Variants in ENTREP3 observed in about 807,000 individuals in gnomAD.
ENTREP3 encodes protein ENTREP3.
At chr1:155,255,057 G>A in the ENTREP3 span, 2 of 606,732 alleles carry the variant, frequency 3.3e-6, no homozygotes, top group Non-Finnish European at 5.8e-6. This position sits in a 1 kb window ranked among gnomAD's most constrained non-coding sequence, Gnocchi z 5.6. Context: ...CAAGCGAGGG[G>A]CGTCACGGAG....
At chr1:155,249,205 A>G in the ENTREP3 span, among the ~76,000 whole-genome samples, 1 of 151,874 alleles carries the variant, frequency 6.6e-6, no homozygotes, top group African/African-American at 2.4e-5. Context: ...CTCCTGCCTT[A>G]GCCTCTCTGT....
chr1:155,250,460 C>T, the ENTREP3 span: 3 of 1,475,816 alleles, frequency 2.0e-6, no homozygotes, highest in Non-Finnish European at 2.7e-6. This position sits in a 1 kb window ranked among gnomAD's most constrained non-coding sequence, Gnocchi z 5.4. Flanking sequence ...CCCGGGGGAC[C>T]CGCCGCCTCA....
At chr1:155,252,720 ATATTTTTTT>A in the ENTREP3 span, 5 of 29,502 alleles carry the variant, frequency 1.7e-4, no homozygotes, top group East Asian at 1.4e-3. Context: ...ATATATATAT[ATATTTTTTT>A]TTTTTTTTTT....
the ENTREP3 span, chr1:155,247,345 G>A: frequency 6.3e-6 from 3 of 473,460 alleles, no homozygotes; most frequent in Middle Eastern, 5.5e-4. Flanking sequence ...TGCAGCTAGA[G>A]GTGGCAGAGC....
At chr1:155,250,346 C>T in the ENTREP3 span, 5 of 1,415,834 alleles carry the variant, frequency 3.5e-6, no homozygotes, top group East Asian at 1.4e-4. The surrounding 1 kb of genome is among the most constrained non-coding windows in gnomAD (Gnocchi z 5.4). Context: ...GTGGGGATGC[C>T]GGATGAGGAG....
chr1:155,250,292 C>T, the ENTREP3 span: 11 of 1,547,298 alleles, frequency 7.1e-6, no homozygotes, highest in East Asian at 2.5e-5. This position sits in a 1 kb window ranked among gnomAD's most constrained non-coding sequence, Gnocchi z 5.4. Context: ...CACTGGAGGT[C>T]GTGATGCCTG....
At chr1:155,251,933 G>A in the ENTREP3 span, 1 of 1,412,160 alleles carries the variant, frequency 7.1e-7, no homozygotes, top group Non-Finnish European at 9.2e-7. Context: ...AGGTCAGCAA[G>A]TCTGGATTCT....
At chr1:155,248,262 G>A in the ENTREP3 span, 2 of 1,601,674 alleles carry the variant, frequency 1.2e-6, no homozygotes, top group African/African-American at 1.3e-5. Context: ...TTGGGGGAAG[G>A]GCAGCGGGCT....
chr1:155,252,714 A>T, the ENTREP3 span: 5 of 49,222 alleles, frequency 1.0e-4, no homozygotes, highest in African/African-American at 4.7e-4. Context: ...ATATATATAT[A>T]TATATATATT....
the ENTREP3 span, chr1:155,254,407 G>A: frequency 1.1e-3 from 1,823 of 1,614,164 alleles, 31 homozygotes; most frequent in South Asian, 0.019. This position sits in a 1 kb window ranked among gnomAD's most constrained non-coding sequence, Gnocchi z 4.4. Flanking sequence ...TACCACTAGA[G>A]TGAATGGCCG....
the ENTREP3 span, chr1:155,250,197 A>G: frequency 1.7e-5 from 23 of 1,319,808 alleles, no homozygotes; most frequent in Middle Eastern, 2.7e-4. This position sits in a 1 kb window ranked among gnomAD's most constrained non-coding sequence, Gnocchi z 5.4. Flanking sequence ...CTGTGCCCCA[A>G]TCCTGGTGGG....
At chr1:155,251,879 G>A in the ENTREP3 span, 2 of 1,468,978 alleles carry the variant, frequency 1.4e-6, no homozygotes, top group Middle Eastern at 1.8e-4. Context: ...GTCCCAGTGG[G>A]CCTGAGACTG....
chr1:155,247,967 C>A, the ENTREP3 span: 2 of 1,606,708 alleles, frequency 1.2e-6, no homozygotes, highest in Non-Finnish European at 1.7e-6. Flanking sequence ...TGGACAGGGA[C>A]ACAAGAAAGG....
At chr1:155,247,571 T>C in the ENTREP3 span, 1 of 716,992 alleles carries the variant, frequency 1.4e-6, no homozygotes, top group Admixed American at 2.0e-5. Flanking sequence ...ACAGTCTAAA[T>C]ACCCATGCAG....
chr1:155,251,210 C>G, the ENTREP3 span: 1 of 1,435,790 alleles, frequency 7.0e-7, no homozygotes, highest in African/African-American at 1.4e-5. Flanking sequence ...ACACTGAACA[C>G]CCCCATGTGC....
At chr1:155,253,455 C>T in the ENTREP3 span, 1 of 598,654 alleles carries the variant, frequency 1.7e-6, no homozygotes, top group Non-Finnish European at 3.0e-6. Context: ...CTCCCCTTCT[C>T]ATCCTCCCCA....
At chr1:155,247,733 C>A in the ENTREP3 span, 4 of 1,452,156 alleles carry the variant, frequency 2.8e-6, no homozygotes, top group Non-Finnish European at 3.6e-6. Flanking sequence ...CTGGTCCCAA[C>A]CAGCTGGTGC....
chr1:155,255,365 G>C, the ENTREP3 span: 1 of 160,470 alleles, frequency 6.2e-6, no homozygotes, highest in African/African-American at 2.4e-5. The surrounding 1 kb of genome is among the most constrained non-coding windows in gnomAD (Gnocchi z 5.6). Context: ...GCCGCCTGGT[G>C]GGGAGAGGCC....
At chr1:155,254,510 C>A in the ENTREP3 span, 460,857 of 1,598,120 alleles carry the variant, frequency 0.29, 77,040 homozygotes, top group East Asian at 0.73. The surrounding 1 kb of genome is among the most constrained non-coding windows in gnomAD (Gnocchi z 4.4). Flanking sequence ...CCTGAGTGAG[C>A]CCCTCACCAC....
Sources: gnomAD v4.1 joint callset for allele counts (sites outside exome capture counted in the v4.1 genomes callset) on GRCh38, gnomAD v4.1.1 for gene constraint, Gnocchi (gnomAD v3.1) non-coding constraint, MANE v1.5 for transcripts, NCBI Gene and HGNC (gene_info 2026-07-23, HGNC 2026-07-21) for gene names.